The following TPD52 variants were observed in gnomAD, a reference collection of about 807,000 sequenced individuals.
TPD52 encodes prostate and colon associated protein.
In TPD52, 17 loss-of-function variants were observed where a neutral mutation model predicts 31.3. The observed-to-expected ratio is 0.54, with a 90% CI of 0.37 to 0.82. The LOEUF is 0.82. Among genes scored for constraint, TPD52 ranks in the 40% least tolerant of loss-of-function variants. The pLI, the probability that TPD52 is intolerant of heterozygous loss-of-function variation, is 0.00. For missense variants in TPD52, 212 were observed against 240.1 expected, an observed-to-expected ratio of 0.88 and a Z score of 0.77; for synonymous variants, 83 against 89.6, an observed-to-expected ratio of 0.93 and a Z score of 0.42.
intron 1 of TPD52, among the ~76,000 whole-genome samples, chr8:80,067,853 A>C (rs570994395): frequency 5.7e-4 from 87 of 151,858 alleles, no homozygotes; most frequent in African/African-American, 1.9e-3. Flanking sequence ...TGGGAATCCA[A>C]ATTTTGCCTT....
chr8:80,104,087 A>C (rs941309507), intron 1 of TPD52, among the ~76,000 whole-genome samples: 2 of 152,192 alleles, frequency 1.3e-5, no homozygotes, highest in African/African-American at 4.8e-5. Flanking sequence ...AAAATTGACA[A>C]AGGGCCAGAA....
chr8:80,057,107 G>C (rs1811978142), intron 2 of TPD52, among the ~76,000 whole-genome samples: 1 of 152,180 alleles, frequency 6.6e-6, no homozygotes, highest in African/African-American at 2.4e-5. Flanking sequence ...GGCAGAGGTT[G>C]CAGTGAGCTG....
At chr8:80,157,099 A>C (rs1163061653) in intron 1 of TPD52, among the ~76,000 whole-genome samples, 1 of 152,180 alleles carries the variant, frequency 6.6e-6, no homozygotes, top group Non-Finnish European at 1.5e-5. Context: ...TGCACTTTGA[A>C]AAGCTGGTTG....
chr8:80,064,822 C>A, intron 1 of TPD52: 1 of 662,172 alleles, frequency 1.5e-6, no homozygotes, highest in Non-Finnish European at 2.8e-6. Context: ...GAAAATATAG[C>A]ATTCTCTTAG....
chr8:80,051,210 C>T, intron 4 of TPD52: 1 of 384,720 alleles, frequency 2.6e-6, no homozygotes, highest in Non-Finnish European at 4.7e-6. Context: ...ACACACCAGG[C>T]TCTGCCCACA....
At chr8:80,069,577 G>A (rs1230903976) in intron 1 of TPD52, among the ~76,000 whole-genome samples, 1 of 152,000 alleles carries the variant, frequency 6.6e-6, no homozygotes, top group East Asian at 1.9e-4. Context: ...GATCACTTGA[G>A]GCCAGGAGTT....
chr8:80,129,715 T>TC (rs2131076408), intron 1 of TPD52, among the ~76,000 whole-genome samples: 1 of 150,994 alleles, frequency 6.6e-6, no homozygotes, highest in African/African-American at 2.4e-5. Context: ...TTTTTTTTTT[T>TC]TTTTTTGAGA....
chr8:80,096,123 G>C (rs998430767), intron 1 of TPD52, among the ~76,000 whole-genome samples: 5 of 152,150 alleles, frequency 3.3e-5, no homozygotes, highest in African/African-American at 1.2e-4. Flanking sequence ...GGGCATGGTG[G>C]TGTGCACCTG....
At chr8:80,110,465 G>A (rs1169001840) in intron 1 of TPD52, among the ~76,000 whole-genome samples, 1 of 151,940 alleles carries the variant, frequency 6.6e-6, no homozygotes, top group East Asian at 1.9e-4. Context: ...ACAGAGAGTG[G>A]CACTTACGTC....
At chr8:80,060,958 T>C (rs1812457085) in intron 2 of TPD52, among the ~76,000 whole-genome samples, 1 of 152,204 alleles carries the variant, frequency 6.6e-6, no homozygotes, top group Non-Finnish European at 1.5e-5. Context: ...CTGAAGAGTT[T>C]AGCCAAAGCA....
chr8:80,057,828 G>A (rs902661771), intron 2 of TPD52, among the ~76,000 whole-genome samples: 1 of 152,110 alleles, frequency 6.6e-6, no homozygotes, highest in Non-Finnish European at 1.5e-5. Flanking sequence ...AAAAATTTAA[G>A]TTTAAAAATG....
intron 1 of TPD52, among the ~76,000 whole-genome samples, chr8:80,131,599 A>G (rs1484394733): frequency 6.6e-6 from 1 of 152,140 alleles, no homozygotes; most frequent in Non-Finnish European, 1.5e-5. Context: ...CTGGGCCACT[A>G]CTAACAGTTC....
chr8:80,068,266 C>A (rs1813386802), intron 1 of TPD52, among the ~76,000 whole-genome samples: 1 of 152,066 alleles, frequency 6.6e-6, no homozygotes, highest in Non-Finnish European at 1.5e-5. Context: ...TCCTCTAAGG[C>A]TATATAATTT....
chr8:80,109,155 A>C (rs1314495454), intron 1 of TPD52, among the ~76,000 whole-genome samples: 1 of 152,128 alleles, frequency 6.6e-6, no homozygotes, highest in African/African-American at 2.4e-5. Flanking sequence ...TATTTGGGGG[A>C]CCTTACGAGA....
intron 1 of TPD52, among the ~76,000 whole-genome samples, chr8:80,084,745 T>C (rs192516086): frequency 1.3e-5 from 2 of 152,338 alleles, no homozygotes; most frequent in East Asian, 3.9e-4. Flanking sequence ...AACTTGACTT[T>C]CCTGTTTGTT....
At chr8:80,031,484 T>C (rs1430737026), downstream of TPD52, among the ~76,000 whole-genome samples, 1 of 152,256 alleles carries the variant, frequency 6.6e-6, no homozygotes, top group Non-Finnish European at 1.5e-5. Flanking sequence ...GAACATTATT[T>C]TCTACGGATA....
In TPD52 at chr8:80,149,647, T is replaced by C. The variant is rs1810439738; in HGVS notation, c.19+21778A>G. Among the ~76,000 whole-genome samples the C allele has an allele frequency of 2.0e-5, 3 of 152,320 alleles. No homozygotes were observed. The South Asian group carries it at 6.2e-4, about 32-fold the overall frequency. On this transcript the variant is annotated intron_variant, in intron 1 of 7. Coordinates refer to ENST00000518937, the MANE Select transcript of TPD52 (RefSeq NM_001025253.3). Reference sequence around the variant, plus strand: ...TTTAATCTAAATGCTGATAGTGATATGGACAATAAAGTCCAGGCTGACGTG... The same window carrying C: ...TTTAATCTAAATGCTGATAGTGATACGGACAATAAAGTCCAGGCTGACGTG...
chr8:80,168,127 T>C (rs1172192054), intron 1 of TPD52, among the ~76,000 whole-genome samples: 1 of 152,238 alleles, frequency 6.6e-6, no homozygotes, highest in African/African-American at 2.4e-5. Flanking sequence ...CACTGAACTC[T>C]CACTGTAAGC....
At chr8:80,053,055 T>C (rs948576825) in intron 3 of TPD52, 2 of 405,090 alleles carry the variant, frequency 4.9e-6, no homozygotes, top group Non-Finnish European at 8.8e-6. Context: ...TGAATTTTAT[T>C]TCTCCAACTG....
Sources: allele counts gnomAD v4.1 joint callset (sites outside exome capture counted in the v4.1 genomes callset), GRCh38; gene constraint gnomAD v4.1.1; transcripts MANE v1.5; gene names NCBI Gene and HGNC (gene_info 2026-07-23, HGNC 2026-07-21).